MRPL48: variants seen among roughly 807,000 people sequenced by gnomAD.
MRPL48 encodes large ribosomal subunit protein mL48.
A neutral mutation model predicts 32.9 loss-of-function variants in MRPL48; 16 were observed. The observed-to-expected ratio is 0.49, with a 90% CI of 0.33 to 0.74. The LOEUF is 0.74. MRPL48 is among the 30% of genes least tolerant of loss of function. The pLI is 0.02. For synonymous variants in MRPL48, 94 were observed against 89.2 expected (o/e 1.05, Z -0.31); for missense variants, 206 against 245.3 (o/e 0.84, Z 1.07).
chr11:73,816,322 A>G (rs1306571027), intron 3 of MRPL48, among the ~76,000 whole-genome samples: 5 of 132,304 alleles, frequency 3.8e-5, no homozygotes, highest in Non-Finnish European at 6.6e-5. Context: ...CGGCCTCCCA[A>G]AGTGCTGGGA....
At chr11:73,821,558 A>G (rs1286364444) in intron 3 of MRPL48, among the ~76,000 whole-genome samples, 5 of 151,642 alleles carry the variant, frequency 3.3e-5, no homozygotes, top group African/African-American at 1.2e-4. Flanking sequence ...TTTTCTCCTA[A>G]CTCCTACTTA....
chr11:73,840,273 A>G (rs185370976), intron 4 of MRPL48, among the ~76,000 whole-genome samples: 1 of 152,220 alleles, frequency 6.6e-6, no homozygotes, highest in East Asian at 1.9e-4. Flanking sequence ...CTGGCGGATC[A>G]CTTGAACCCA....
intron 5 of MRPL48, among the ~76,000 whole-genome samples, chr11:73,858,800 A>G (rs1319070501): frequency 6.6e-6 from 1 of 152,238 alleles, no homozygotes; most frequent in African/African-American, 2.4e-5. Flanking sequence ...CTCTGTTGAT[A>G]ATAGGCCTAG....
chr11:73,814,405 AAG>A (rs938973412), intron 3 of MRPL48, among the ~76,000 whole-genome samples: 34 of 151,486 alleles, frequency 2.2e-4, no homozygotes, highest in African/African-American at 7.5e-4. Context: ...AAGAAAAAAA[AAG>A]AGTGAGGTGG....
intron 5 of MRPL48, among the ~76,000 whole-genome samples, chr11:73,852,242 T>C (rs1045891586): frequency 6.6e-6 from 1 of 152,090 alleles, no homozygotes; most frequent in Non-Finnish European, 1.5e-5. Context: ...ATTAGGCTGT[T>C]CACTGGCAGC....
chr11:73,844,997 TG>T, intron 5 of MRPL48, 21 bp downstream of exon 5: 1 of 1,595,252 alleles, frequency 6.3e-7, no homozygotes, highest in Non-Finnish European at 8.6e-7. Context: ...TGCTTTTGTA[TG>T]GGATGTTCTT....
In MRPL48 at chr11:73,788,109, A is replaced by C. The variant is rs1027889816; in HGVS notation, c.21+117A>C. On this transcript the variant is annotated intron_variant, in intron 1 of 7. Coordinates refer to ENST00000310614, the MANE Select transcript of MRPL48 (RefSeq NM_016055.6). ...GCGCGCGGACATCCGGGGATGAGAC[A>C]CTGGGGCGCCCAAGGTCCTTCCCAG... The C allele has an allele frequency of 1.3e-5, 18 of 1,435,588 alleles. No individual in the cohort carries two copies. The East Asian group carries it at 4.6e-4, about 37-fold the overall frequency. The allele number at this position is 1,435,588 out of a possible 1,614,324, so 88.9% of individuals were successfully genotyped here.
chr11:73,799,493 C>A (rs1445620044), intron 1 of MRPL48, among the ~76,000 whole-genome samples: 1 of 152,138 alleles, frequency 6.6e-6, no homozygotes, highest in East Asian at 1.9e-4. Context: ...ATTGTGGGGT[C>A]AGCTAGAACA....
chr11:73,820,764 T>A (rs1947765166), intron 3 of MRPL48, among the ~76,000 whole-genome samples: 1 of 151,340 alleles, frequency 6.6e-6, no homozygotes. Flanking sequence ...AAGGAACAGA[T>A]TTTAAAAGGT....
At chr11:73,841,360 A>G (rs1948182877) in intron 4 of MRPL48, among the ~76,000 whole-genome samples, 1 of 152,232 alleles carries the variant, frequency 6.6e-6, no homozygotes, top group South Asian at 2.1e-4. Context: ...TTGCACTACT[A>G]TTCATAACGG....
chr11:73,822,313 GT>G (rs908973915), intron 3 of MRPL48, among the ~76,000 whole-genome samples: 26 of 152,254 alleles, frequency 1.7e-4, no homozygotes, highest in Admixed American at 1.6e-3. Context: ...GGCAGAGTTA[GT>G]TTTTTCTTCC....
chr11:73,795,561 C>T (rs1240950652), intron 1 of MRPL48, among the ~76,000 whole-genome samples: 1 of 151,512 alleles, frequency 6.6e-6, no homozygotes, highest in Non-Finnish European at 1.5e-5. Context: ...GGCTGGAGTA[C>T]AGTGGCGCGA....
chr11:73,862,010 G>A (rs774196837), intron 6 of MRPL48, among the ~76,000 whole-genome samples: 21 of 152,176 alleles, frequency 1.4e-4, no homozygotes, highest in African/African-American at 4.1e-4. Context: ...GGCAGTGCCC[G>A]GGCACGGTGG....
At chr11:73,822,679 C>G (rs751013852) in intron 3 of MRPL48, among the ~76,000 whole-genome samples, 3 of 152,106 alleles carry the variant, frequency 2.0e-5, no homozygotes, top group Non-Finnish European at 4.4e-5. Flanking sequence ...CCTAAGAAAA[C>G]TTTTACTTGA....
intron 4 of MRPL48, among the ~76,000 whole-genome samples, chr11:73,830,071 T>C (rs1170582397): frequency 1.1e-4 from 16 of 152,192 alleles, no homozygotes; most frequent in Admixed American, 1.0e-3. Flanking sequence ...CTTAACCATC[T>C]ATTTTGATGA....
At chr11:73,832,993 A>G (rs1948023104) in intron 4 of MRPL48, among the ~76,000 whole-genome samples, 1 of 152,194 alleles carries the variant, frequency 6.6e-6, no homozygotes, top group Non-Finnish European at 1.5e-5. Context: ...GTGCTTTACT[A>G]GGGAATAAAC....
At chr11:73,827,139 A>G (rs930199185) in intron 4 of MRPL48, among the ~76,000 whole-genome samples, 1 of 151,550 alleles carries the variant, frequency 6.6e-6, no homozygotes, top group Non-Finnish European at 1.5e-5. Context: ...AATCCCAGCA[A>G]TTTGGGAAGC....
intron 3 of MRPL48, among the ~76,000 whole-genome samples, chr11:73,815,688 A>T (rs1197250007): frequency 6.6e-6 from 1 of 151,566 alleles, no homozygotes; most frequent in Non-Finnish European, 1.5e-5. Flanking sequence ...TGTTTTTTTT[A>T]CTTAAAAATT....
chr11:73,788,099 G>A, intron 1 of MRPL48, 107 bp downstream of exon 1: 3 of 1,522,050 alleles, frequency 2.0e-6, no homozygotes, highest in Non-Finnish European at 2.7e-6. Context: ...CGGACATCCG[G>A]GGATGAGACA....
Sources: gnomAD v4.1 joint callset for allele counts (sites outside exome capture counted in the v4.1 genomes callset) on GRCh38, gnomAD v4.1.1 for gene constraint, MANE v1.5 for transcripts, NCBI Gene and HGNC (gene_info 2026-07-23, HGNC 2026-07-21) for gene names.